Variants in ADGRL2 observed in about 807,000 individuals in gnomAD.
The protein encoded by ADGRL2 is calcium-independent alpha-latrotoxin receptor 2.
Under a neutral mutation model 157.4 loss-of-function variants are expected in ADGRL2, and 44 were observed. That is an observed-to-expected ratio of 0.28 (90% CI 0.22 to 0.36). The LOEUF (loss-of-function observed/expected upper bound fraction) is 0.36. Among genes scored for constraint, ADGRL2 ranks in the 10% least tolerant of loss-of-function variants. The pLI is 1.00. For missense variants in ADGRL2, 1,510 were observed against 1,768.9 expected, an observed-to-expected ratio of 0.85 and a Z score of 2.63; for synonymous variants, 585 against 624.7, an observed-to-expected ratio of 0.94 and a Z score of 0.95.
chr1:81,439,609 T>A (rs1315376093), intron 1 of ADGRL2, among the ~76,000 whole-genome samples: 1 of 152,234 alleles, frequency 6.6e-6, no homozygotes, highest in Admixed American at 6.5e-5. Flanking sequence ...GCGGGGCCCA[T>A]GGCCAGGCCA....
At chr1:81,877,948 CAT>C (rs911130162) in intron 2 of ADGRL2, among the ~76,000 whole-genome samples, 1 of 152,074 alleles carries the variant, frequency 6.6e-6, no homozygotes, top group Non-Finnish European at 1.5e-5. Flanking sequence ...CTCTGTAAAT[CAT>C]GTTTACAGAT....
At chr1:81,839,727 T>G (rs1304731822) in intron 2 of ADGRL2, among the ~76,000 whole-genome samples, 1 of 149,834 alleles carries the variant, frequency 6.7e-6, no homozygotes, top group Non-Finnish European at 1.5e-5. Flanking sequence ...TTTTTATGGC[T>G]GAGTAGTATT....
chr1:81,314,797 A>AG (rs1397915802), intron 1 of ADGRL2, among the ~76,000 whole-genome samples: 1 of 152,198 alleles, frequency 6.6e-6, no homozygotes, highest in Non-Finnish European at 1.5e-5. Flanking sequence ...CAATGAATTG[A>AG]ATATTCAGGC....
chr1:81,487,644 CAA>C (rs60645399), intron 2 of ADGRL2, among the ~76,000 whole-genome samples: 2 of 147,466 alleles, frequency 1.4e-5, no homozygotes, highest in African/African-American at 2.5e-5. Context: ...GACTCCATCT[CAA>C]AAAAAAAGGG....
intron 3 of ADGRL2, among the ~76,000 whole-genome samples, chr1:81,612,774 A>G (rs1477672316): frequency 1.3e-5 from 2 of 152,190 alleles, no homozygotes; most frequent in African/African-American, 2.4e-5. Context: ...CATTCCTCCA[A>G]AGAAGACATA....
chr1:81,578,247 C>A (rs1233353778), intron 2 of ADGRL2, among the ~76,000 whole-genome samples: 1 of 152,068 alleles, frequency 6.6e-6, no homozygotes, highest in Admixed American at 6.6e-5. Flanking sequence ...AGACTGGTAT[C>A]CAGGTACACA....
At chr1:81,865,471 T>C (rs896955975) in intron 2 of ADGRL2, among the ~76,000 whole-genome samples, 2 of 152,232 alleles carry the variant, frequency 1.3e-5, no homozygotes, top group African/African-American at 4.8e-5. Flanking sequence ...TTTAAAAATA[T>C]CCTCTTCACT....
intron 18 of ADGRL2, 53 bp from the exon 19 acceptor site, chr1:81,981,755 T>G: frequency 7.3e-7 from 1 of 1,360,780 alleles, no homozygotes; most frequent in Non-Finnish European, 1.0e-6. Flanking sequence ...TTAAGCGTGA[T>G]GTGTGTTTTT....
intron 1 of ADGRL2, among the ~76,000 whole-genome samples, chr1:81,441,427 C>T (rs2077505162): frequency 6.6e-6 from 1 of 152,194 alleles, no homozygotes; most frequent in African/African-American, 2.4e-5. Context: ...ATATCCCCAT[C>T]CCAGAATACA....
At chr1:81,721,810 A>T in intron 1 of ADGRL2, 7 of 1,067,814 alleles carry the variant, frequency 6.6e-6, no homozygotes, top group South Asian at 1.2e-5. Context: ...CAGGCGGTAA[A>T]GTACCACCTG....
chr1:81,832,333 C>T (rs1230883183), intron 1 of ADGRL2, among the ~76,000 whole-genome samples: 1 of 152,016 alleles, frequency 6.6e-6, no homozygotes, highest in Admixed American at 6.5e-5. Context: ...TTAGTAGAGA[C>T]GGGGTTTCAC....
At chr1:81,463,092 G>A (rs1365229374) in intron 2 of ADGRL2, among the ~76,000 whole-genome samples, 1 of 143,872 alleles carries the variant, frequency 7.0e-6, no homozygotes, top group African/African-American at 2.6e-5. Flanking sequence ...TCCGGCCTGG[G>A]CAATAGAGTG....
intron 2 of ADGRL2, among the ~76,000 whole-genome samples, chr1:81,541,044 T>C (rs2079871327): frequency 6.6e-6 from 1 of 152,172 alleles, no homozygotes; most frequent in South Asian, 2.1e-4. Flanking sequence ...AGTGTAAAGG[T>C]GAATGATATA....
chr1:81,627,280 C>T (rs1210388824), intron 3 of ADGRL2, among the ~76,000 whole-genome samples: 1 of 152,094 alleles, frequency 6.6e-6, no homozygotes, highest in Admixed American at 6.6e-5. Context: ...ATGCCTGTGT[C>T]TTTTCCCATA....
Position 81,793,052 on chromosome 1 carries a change from T to C in ADGRL2, c.-101+31200T>C, listed in dbSNP as rs540145370. ...GAAAATGATGGTGAACTAGTATTTA[T>C]ATAACAAGACCTTACGACCCTGGGA... On this transcript the variant is annotated intron_variant, in intron 2 of 20. Transcript: ENST00000359929. 5.4e-4 allele frequency among the ~76,000 whole-genome samples: 82 copies of C among 152,244 alleles called. No individual in the cohort carries two copies. The South Asian group carries it at 0.016, about 29-fold the overall frequency.
At chr1:81,333,706 G>A (rs1661435187) in intron 1 of ADGRL2, among the ~76,000 whole-genome samples, 1 of 148,502 alleles carries the variant, frequency 6.7e-6, no homozygotes, top group South Asian at 2.1e-4. Flanking sequence ...ATGAGCCACA[G>A]AACCTGGCCT....
Position 81,951,859 on chromosome 1 carries a change from C to T in ADGRL2, c.1609-98C>T, listed in dbSNP as rs555815792. On this transcript the variant is annotated intron_variant, in intron 8 of 23. Transcript: ENST00000686636. The stretch of plus-strand genomic sequence containing the variant: ...TCAATTAGTTGGAGAATTTAACATT[C>T]GCAAATTTTTTTCACCACAATAAAG... The T allele has an allele frequency of 7.6e-5, 69 of 905,694 alleles. No homozygotes were observed. The African/African-American group carries it at 9.9e-4, about 13-fold the overall frequency. 56.1% of individuals were successfully genotyped at this position (905,694 alleles called of 1,614,324 possible). A position where few individuals can be genotyped will look rare whatever the true frequency, so the allele number is the denominator to read the frequency against.
At chr1:81,762,228 G>A (rs551397451) in intron 2 of ADGRL2, among the ~76,000 whole-genome samples, 1 of 152,248 alleles carries the variant, frequency 6.6e-6, no homozygotes, top group South Asian at 2.1e-4. Flanking sequence ...CAAATTGAGA[G>A]TTGGTAAGAG....
chr1:81,664,861 A>C (rs561422735), intron 3 of ADGRL2, among the ~76,000 whole-genome samples: 144 of 152,194 alleles, frequency 9.5e-4, no homozygotes, highest in Non-Finnish European at 1.6e-3. Context: ...TTTAGACTGA[A>C]ACTGACTTAA....
Sources: allele counts gnomAD v4.1 joint callset (sites outside exome capture counted in the v4.1 genomes callset), GRCh38; gene constraint gnomAD v4.1.1; transcripts MANE v1.5; gene names NCBI Gene and HGNC (gene_info 2026-07-23, HGNC 2026-07-21).